The following PTCH1 variants were observed in gnomAD, a reference collection of about 807,000 sequenced individuals.
PTCH1 encodes patched 1.
In PTCH1, 14 loss-of-function variants were observed where a neutral mutation model predicts 144.6. The observed-to-expected ratio is 0.10, with a 90% CI of 0.06 to 0.15. PTCH1 has a LOEUF of 0.15. Ranked by LOEUF, PTCH1 falls within the 10% of genes least tolerant of loss-of-function variation. PTCH1 has a pLI of 1.00. For synonymous variants in PTCH1, 833 were observed against 793.6 expected (o/e 1.05, Z -0.83); for missense variants, 1,623 against 1,948.3 (o/e 0.83, Z 3.14).
chr9:95,446,684 C>G (rs1452000542), intron 23 of PTCH1: 1 of 625,468 alleles, frequency 1.6e-6, no homozygotes. Context: ...CGACCCTCCG[C>G]AGGTTAGCAG....
intron 15 of PTCH1, among the ~76,000 whole-genome samples, chr9:95,463,228 TGG>T (rs1839693531): frequency 6.6e-6 from 1 of 151,886 alleles, no homozygotes; most frequent in African/African-American, 2.4e-5. Flanking sequence ...GTCTGAAGTG[TGG>T]GGAGGGAGGG....
intron 13 of PTCH1, 138 bp from the exon 14 acceptor site, chr9:95,469,291 T>C (rs1229369426): frequency 1.7e-6 from 2 of 1,190,758 alleles, no homozygotes; most frequent in African/African-American, 3.0e-5. Context: ...CATTGCTGAA[T>C]TCCAGAAACA....
intron 2 of PTCH1, among the ~76,000 whole-genome samples, chr9:95,502,694 T>G (rs1843232088): frequency 1.3e-5 from 2 of 152,280 alleles, no homozygotes; most frequent in Admixed American, 1.3e-4. Flanking sequence ...ACAATAATTC[T>G]TATCACCAAT....
At chr9:95,489,139 G>C (rs905414584) in intron 2 of PTCH1, among the ~76,000 whole-genome samples, 1 of 152,148 alleles carries the variant, frequency 6.6e-6, no homozygotes, top group Non-Finnish European at 1.5e-5. Flanking sequence ...AACCCTTCAG[G>C]ATAGAGCAAT....
intron 2 of PTCH1, among the ~76,000 whole-genome samples, chr9:95,504,744 G>T (rs1010585008): frequency 6.6e-6 from 1 of 151,962 alleles, no homozygotes; most frequent in Admixed American, 6.6e-5. Context: ...ACCGTCTCCA[G>T]TTCTCTCCCC....
At chr9:95,465,237 T>C (rs992860870) in intron 15 of PTCH1, among the ~76,000 whole-genome samples, 1 of 152,172 alleles carries the variant, frequency 6.6e-6, no homozygotes, top group Non-Finnish European at 1.5e-5. Flanking sequence ...ACATGCCACA[T>C]TGAGCCTCCA....
Position 95,479,075 on chromosome 9 carries a change from C to T in PTCH1, c.1140G>A (p.Glu380=), listed in dbSNP as rs764896299. ...KQMYEHFKGY[E]YVSHINWNED... is the part of the protein sequence containing the mutation. ...CGTTCCAGTTGATGTGTGAGACATA[C>T]TCGTACCCCTTGAAGTGCTCGTACA... is the stretch of plus-strand genomic sequence containing the variant. The change falls in exon 8 of 24, where the codon GAG becomes GAA. Residue 380 remains glutamate (E), a synonymous_variant. Coordinates refer to ENST00000331920, the MANE Select transcript of PTCH1 (RefSeq NM_000264.5). 1.1e-5 allele frequency: 17 copies of T among 1,614,200 alleles called. No homozygotes were observed. In the South Asian group the frequency reaches 1.9e-4, roughly 18 times the overall value.
chr9:95,510,259 G>T (rs1233734111), upstream of PTCH1, among the ~76,000 whole-genome samples: 1 of 152,116 alleles, frequency 6.6e-6, no homozygotes, highest in Admixed American at 6.5e-5. Flanking sequence ...TATATAGTCA[G>T]TATTTTTTTT....
chr9:95,470,603 T>C (rs763215472), intron 12 of PTCH1, among the ~76,000 whole-genome samples: 13 of 152,202 alleles, frequency 8.5e-5, no homozygotes, highest in Non-Finnish European at 1.6e-4. Context: ...AATTCTGCAG[T>C]GCGTTGGCAA....
intron 1 of PTCH1, chr9:95,507,798 AGGGCAGGGGGCACG>A (rs1843823752): frequency 1.6e-5 from 7 of 426,308 alleles, no homozygotes; most frequent in Non-Finnish European, 2.4e-5. Flanking sequence ...GAAGAAGTTC[AGGGCAGGGGGCACG>A]GGGCAGGACA....
chr9:95,481,875 CAAT>C (rs1272643351), intron 5 of PTCH1, 71 bp downstream of exon 5: 4 of 1,322,334 alleles, frequency 3.0e-6, no homozygotes, highest in Non-Finnish European at 4.3e-6. Context: ...ATGGAACAAA[CAAT>C]GATAAGCAAC....
chr9:95,477,959 T>C, intron 9 of PTCH1, 96 bp downstream of exon 9: 4 of 1,586,576 alleles, frequency 2.5e-6, no homozygotes, highest in Middle Eastern at 1.7e-4. Context: ...ACATCGATGT[T>C]AAGAGCAGTT....
chr9:95,508,015 G>C (rs1286190116), intron 1 of PTCH1, 146 bp downstream of exon 1: 7 of 1,526,832 alleles, frequency 4.6e-6, no homozygotes, highest in Non-Finnish European at 6.1e-6. Flanking sequence ...CCATTTGTCT[G>C]CTGCTTTTCC....
At chr9:95,474,822 C>A (rs1264867260) in intron 12 of PTCH1, among the ~76,000 whole-genome samples, 1 of 152,162 alleles carries the variant, frequency 6.6e-6, no homozygotes, top group Non-Finnish European at 1.5e-5. Flanking sequence ...TGGTCAATTT[C>A]TCTTCCTGCT....
rs762444055 is a variant in PTCH1 at position 95,476,883 on chromosome 9, C to A, written c.1504-26G>T. Reference sequence around the variant, plus strand: ...CTACAGCAAAAACAGAGGATGGTGGCATTAGACATGCGAGATGCAATTCAG... The same window carrying A: ...CTACAGCAAAAACAGAGGATGGTGGAATTAGACATGCGAGATGCAATTCAG... On this transcript the variant is annotated intron_variant, in intron 10 of 23. Coordinates refer to ENST00000331920, the MANE Select transcript of PTCH1 (RefSeq NM_000264.5). The surrounding 1 kb of genome is among the most constrained non-coding windows in gnomAD (Gnocchi z 4.6). 2 of 1,600,718 alleles carry A rather than the reference C, an allele frequency of 1.2e-6. No homozygotes were observed. The highest frequency in any genetic ancestry group is 1.7e-6 in the Non-Finnish European group (2 of 1,168,962).
At chr9:95,507,980 A>T (rs1326913238) in intron 1 of PTCH1, 181 bp downstream of exon 1, 34 of 1,498,184 alleles carry the variant, frequency 2.3e-5, no homozygotes, top group Non-Finnish European at 2.9e-5. Context: ...CCAGGACCAG[A>T]GGGAGGGTTT....
intron 8 of PTCH1, among the ~76,000 whole-genome samples, chr9:95,478,593 G>C (rs752107574): frequency 1.8e-4 from 28 of 152,276 alleles, no homozygotes; most frequent in Non-Finnish European, 2.2e-4. Flanking sequence ...CTTTTAAAAG[G>C]TCACATGCAG....
Position 95,458,375 on chromosome 9 carries a change from C to G in PTCH1, c.2888-82G>C, listed in dbSNP as rs1839155681. The G allele has an allele frequency of 5.9e-6, 9 of 1,516,568 alleles. No individual in the cohort carries two copies. Among genetic ancestry groups the G allele is most frequent in the Non-Finnish European group, 8.1e-6 (9 of 1,113,708 alleles). The allele number at this position is 1,516,568 out of a possible 1,614,324, so 93.9% of individuals were successfully genotyped here. On this transcript the variant is annotated intron_variant, in intron 17 of 23. Coordinates refer to ENST00000331920, the MANE Select transcript of PTCH1 (RefSeq NM_000264.5). The surrounding 1 kb of genome is among the most constrained non-coding windows in gnomAD (Gnocchi z 4.7). ...TCAATGGAAAGAGAGAAGAACTTTG[C>G]ATGAAAGCTTACTGACTGCTCTTCT... is the stretch of plus-strand genomic sequence containing the variant.
intron 14 of PTCH1, among the ~76,000 whole-genome samples, chr9:95,467,981 A>C (rs1448823781): frequency 1.3e-5 from 2 of 152,094 alleles, no homozygotes; most frequent in Non-Finnish European, 2.9e-5. Flanking sequence ...ATCAGGGCTC[A>C]CTGTTGCCTC....
Sources: gnomAD v4.1 joint callset for allele counts (sites outside exome capture counted in the v4.1 genomes callset) on GRCh38, gnomAD v4.1.1 for gene constraint, Gnocchi (gnomAD v3.1) non-coding constraint, MANE v1.5 for transcripts, NCBI Gene and HGNC (gene_info 2026-07-23, HGNC 2026-07-21) for gene names.